The following NAALADL2 variants were observed in gnomAD, a reference collection of about 807,000 sequenced individuals.
NAALADL2 encodes the protein inactive N-acetylated-alpha-linked acidic dipeptidase-like protein 2.
A neutral mutation model predicts 87.2 loss-of-function variants in NAALADL2; 76 were observed. The observed-to-expected ratio is 0.87, with a 90% CI of 0.72 to 1.05. The LOEUF (loss-of-function observed/expected upper bound fraction) is 1.05, where lower values mean the gene tolerates loss of function less well. Among genes scored for constraint, NAALADL2 ranks in the 50% least tolerant of loss-of-function variants. NAALADL2 has a pLI of 0.00. For synonymous variants in NAALADL2, 354 were observed against 331.0 expected (o/e 1.07, Z -0.75); for missense variants, 1,089 against 945.8 (o/e 1.15, Z -1.99).
At chr3:174,711,370 G>A (rs192731995) in intron 2 of NAALADL2, among the ~76,000 whole-genome samples, 7 of 152,156 alleles carry the variant, frequency 4.6e-5, no homozygotes, top group Admixed American at 4.6e-4. Flanking sequence ...AGGTAAAAGC[G>A]GTTCTTATGA....
At chr3:174,888,018 C>T (rs1730394419) in intron 1 of NAALADL2, among the ~76,000 whole-genome samples, 3 of 152,072 alleles carry the variant, frequency 2.0e-5, no homozygotes, top group South Asian at 2.1e-4. Context: ...GAAAGCTGAT[C>T]GCTTTGGATA....
chr3:175,180,695 A>AATC (rs147150606), intron 2 of NAALADL2, among the ~76,000 whole-genome samples: 109,661 of 150,304 alleles, frequency 0.73, 40,576 homozygotes, highest in Non-Finnish European at 0.8. Context: ...TTATTATCAT[A>AATC]ATCATAAATA....
intron 1 of NAALADL2, among the ~76,000 whole-genome samples, chr3:174,873,263 T>G (rs1057489044): frequency 9.9e-5 from 14 of 140,892 alleles, no homozygotes; most frequent in Admixed American, 2.8e-4. Context: ...ATTTATTTAT[T>G]TATTTATTTT....
At chr3:175,511,348 A>T (rs909047635) in intron 9 of NAALADL2, among the ~76,000 whole-genome samples, 4 of 152,332 alleles carry the variant, frequency 2.6e-5, no homozygotes, top group African/African-American at 9.6e-5. Flanking sequence ...TGATTAAGTT[A>T]AAATGAGGCT....
intron 2 of NAALADL2, among the ~76,000 whole-genome samples, chr3:174,660,400 T>C (rs1725394525): frequency 6.6e-6 from 1 of 152,140 alleles, no homozygotes; most frequent in Non-Finnish European, 1.5e-5. Flanking sequence ...TATCTTTACA[T>C]TGGAAAGTTA....
chr3:175,121,222 T>C (rs1484053822), intron 2 of NAALADL2, among the ~76,000 whole-genome samples: 1 of 151,886 alleles, frequency 6.6e-6, no homozygotes, highest in Non-Finnish European at 1.5e-5. Flanking sequence ...GATCTATAAG[T>C]GTGTTGGTGA....
At chr3:175,131,212 C>T (rs1163275419) in intron 2 of NAALADL2, among the ~76,000 whole-genome samples, 3 of 147,086 alleles carry the variant, frequency 2.0e-5, no homozygotes, top group African/African-American at 7.6e-5. Context: ...GGGGATTTGG[C>T]AGGGTCATAG....
chr3:175,359,295 A>G (rs762222950), intron 5 of NAALADL2, among the ~76,000 whole-genome samples: 68 of 152,100 alleles, frequency 4.5e-4, no homozygotes, highest in Admixed American at 1.2e-3. Flanking sequence ...AGGGAGCATT[A>G]CACTTTTTTT....
chr3:175,174,777 GTGTGTGTGTGTATATATA>G (rs1560120486), intron 2 of NAALADL2, among the ~76,000 whole-genome samples: 2 of 132,660 alleles, frequency 1.5e-5, no homozygotes, highest in African/African-American at 2.6e-5. Context: ...TCATGTGTGT[GTGTGTGTGTGTATATATA>G]TGTGTGTGTG....
At chr3:175,114,266 C>T (rs1034426840) in intron 2 of NAALADL2, among the ~76,000 whole-genome samples, 2 of 151,548 alleles carry the variant, frequency 1.3e-5, no homozygotes, top group South Asian at 2.1e-4. Flanking sequence ...TATTAAATCA[C>T]GTGGATGTGG....
At chr3:174,988,780 AC>A (rs1159641672) in intron 1 of NAALADL2, among the ~76,000 whole-genome samples, 2 of 152,138 alleles carry the variant, frequency 1.3e-5, no homozygotes, top group Non-Finnish European at 2.9e-5. Flanking sequence ...TTAGGAACTG[AC>A]CTTTTTGCAG....
intron 1 of NAALADL2, among the ~76,000 whole-genome samples, chr3:174,463,759 C>T (rs1235206857): frequency 4.6e-5 from 7 of 152,006 alleles, no homozygotes; most frequent in Non-Finnish European, 1.0e-4. Context: ...CACCACCACG[C>T]CTGGCTAATT....
chr3:174,556,701 C>T (rs993789430), intron 2 of NAALADL2, among the ~76,000 whole-genome samples: 3 of 151,974 alleles, frequency 2.0e-5, no homozygotes, highest in African/African-American at 7.3e-5. Context: ...TCTTGAAATG[C>T]AAAGAGTCAG....
At chr3:175,590,734 T>C (rs4479605) in intron 10 of NAALADL2, among the ~76,000 whole-genome samples, 134,533 of 152,102 alleles carry the variant, frequency 0.88, 59,787 homozygotes, top group Admixed American at 0.94. Context: ...ACAAGGACAT[T>C]GTATATAGAA....
chr3:175,718,195 GTTTTTTTT>G, intron 11 of NAALADL2: 7 of 822,710 alleles, frequency 8.5e-6, no homozygotes, highest in East Asian at 3.5e-5. Flanking sequence ...AGGGCCTGTG[GTTTTTTTT>G]TTTTTTTTTT....
At chr3:175,748,156 C>T (rs1353170255) in intron 12 of NAALADL2, among the ~76,000 whole-genome samples, 1 of 152,102 alleles carries the variant, frequency 6.6e-6, no homozygotes, top group Non-Finnish European at 1.5e-5. Context: ...TTTATCTATG[C>T]ATTATCAAAT....
chr3:175,094,631 A>T (rs563514765), intron 1 of NAALADL2, among the ~76,000 whole-genome samples: 2 of 151,954 alleles, frequency 1.3e-5, no homozygotes, highest in South Asian at 4.1e-4. Flanking sequence ...ACAAGAAGAG[A>T]TGGAGGGAGG....
intron 13 of NAALADL2, among the ~76,000 whole-genome samples, chr3:175,764,600 G>A (rs1748443467): frequency 6.8e-6 from 1 of 147,706 alleles, no homozygotes; most frequent in African/African-American, 2.6e-5. Context: ...ATGTCAAGAT[G>A]CTTCTGCCTT....
chr3:175,086,771 C>T lies in NAALADL2; in HGVS notation c.44-10019C>T, dbSNP rs142345113. 1.2e-3 allele frequency among the ~76,000 whole-genome samples: 176 copies of T among 152,072 alleles called. 1 individual carries two copies. The East Asian group carries it at 0.03, about 26-fold the overall frequency. On this transcript the variant is annotated intron_variant, in intron 1 of 13. Transcript: ENST00000454872. ...AATTGTTTAGTTGCTTGAACTTACC[C>T]AAAACTATTAGTAGACATGTCTATA...
Sources: gnomAD v4.1 joint callset for allele counts (sites outside exome capture counted in the v4.1 genomes callset) on GRCh38, gnomAD v4.1.1 for gene constraint, MANE v1.5 for transcripts, NCBI Gene and HGNC (gene_info 2026-07-23, HGNC 2026-07-21) for gene names.